The following MGST1 variants were observed in gnomAD, a reference collection of about 807,000 sequenced individuals.
MGST1 encodes the protein glutathione S-transferase 12.
A neutral mutation model predicts 8.9 loss-of-function variants in MGST1; 5 were observed. That is an observed-to-expected ratio of 0.56 (90% CI 0.29 to 1.19). MGST1 has a LOEUF of 1.19. Among genes scored for constraint, MGST1 ranks in the 50% most tolerant of loss-of-function variants. MGST1 has a pLI of 0.08. For synonymous variants in MGST1, 54 were observed against 67.8 expected (o/e 0.80, Z 1.00); for missense variants, 182 against 187.4 (o/e 0.97, Z 0.17).
chr12:16,566,449 T>C (rs749307503), intron 4 of MGST1, among the ~76,000 whole-genome samples: 2 of 152,112 alleles, frequency 1.3e-5, no homozygotes, highest in Non-Finnish European at 2.9e-5. Flanking sequence ...TATGAGGCGA[T>C]GGGTATTTGA....
Position 16,413,453 on chromosome 12 carries a change from C to T in MGST1, n.779-23935C>T, listed in dbSNP as rs2137076285. ...AACACTCAATTTTTAATGGTACAGG[C>T]ATTTTATGACCCCTGAGAACAGCAG... On this transcript the variant is annotated intron_variant and non_coding_transcript_variant, in intron 1 of 1. Transcript: ENST00000359720. The surrounding 1 kb of genome is among the most constrained non-coding windows in gnomAD (Gnocchi z 4.0). Among the ~76,000 whole-genome samples, 1 of 152,274 alleles carries T rather than the reference C, an allele frequency of 6.6e-6. No individual in the cohort carries two copies. The highest frequency in any genetic ancestry group is 3.4e-3 in the Middle Eastern group (1 of 294).
chr12:16,453,703 G>A (rs560781938), intron 4 of MGST1, among the ~76,000 whole-genome samples: 1 of 151,966 alleles, frequency 6.6e-6, no homozygotes, highest in Admixed American at 6.6e-5. Flanking sequence ...CTATCCCCTG[G>A]CTGCTAGTGG....
At chr12:16,455,066 A>C (rs186490079) in intron 4 of MGST1, among the ~76,000 whole-genome samples, 1 of 151,830 alleles carries the variant, frequency 6.6e-6, no homozygotes, top group Non-Finnish European at 1.5e-5. Context: ...ATAATTAACA[A>C]ATATGTGTAA....
intron 1 of MGST1, among the ~76,000 whole-genome samples, chr12:16,397,409 C>T (rs556448832): frequency 7.9e-5 from 12 of 152,010 alleles, no homozygotes; most frequent in South Asian, 4.2e-4. Flanking sequence ...AAATGCAACA[C>T]GCGAAGATAA....
chr12:16,392,129 T>A (rs1940558447), intron 1 of MGST1, among the ~76,000 whole-genome samples: 1 of 152,228 alleles, frequency 6.6e-6, no homozygotes, highest in African/African-American at 2.4e-5. Flanking sequence ...ATTACCATGC[T>A]GTTTTGATTA....
rs969512505 is a variant in MGST1 at position 16,587,453 on chromosome 12, A to T, written n.483-2075A>T. On this transcript the variant is annotated intron_variant and non_coding_transcript_variant, in intron 4 of 4. Transcript: ENST00000538857. This position sits in a 1 kb window ranked among gnomAD's most constrained non-coding sequence, Gnocchi z 4.3. ...TACAGACTAGAGAGCAAGGAATTCA[A>T]GTTCGATTTTTTTTTCTTTTACTTT... 1.3e-5 allele frequency among the ~76,000 whole-genome samples: 2 copies of T among 152,148 alleles called. No individual in the cohort carries two copies. The highest frequency in any genetic ancestry group is 4.8e-5 in the African/African-American group (2 of 41,440).
In MGST1 at chr12:16,361,812, A is replaced by G. The variant is rs115081805; in HGVS notation, c.222-1983A>G. Reference sequence around the variant, plus strand: ...CATTTTGAGGGCTGACGAAAGAGAAAGAGAACTCAAAAGGGAGAATAAGAT... The same window carrying G: ...CATTTTGAGGGCTGACGAAAGAGAAGGAGAACTCAAAAGGGAGAATAAGAT... On this transcript the variant is annotated intron_variant, in intron 3 of 3. Transcript: ENST00000396210. This position sits in a 1 kb window ranked among gnomAD's most constrained non-coding sequence, Gnocchi z 4.2. 6.9e-3 allele frequency among the ~76,000 whole-genome samples: 1,045 copies of G among 152,320 alleles called. 13 individuals are homozygous for G. The highest frequency in any genetic ancestry group is 0.024 in the African/African-American group (997 of 41,568).
chr12:16,420,053 A>G (rs2193137), intron 1 of MGST1, among the ~76,000 whole-genome samples: 82,724 of 152,078 alleles, frequency 0.54, 23,854 homozygotes, highest in East Asian at 0.87. Context: ...AGAAGAAAAC[A>G]TTTATGTTAA....
intron 4 of MGST1, among the ~76,000 whole-genome samples, chr12:16,475,312 T>C (rs1299381990): frequency 6.6e-6 from 1 of 152,274 alleles, no homozygotes; most frequent in East Asian, 1.9e-4. Flanking sequence ...AGTTCTCAGT[T>C]TGAAACCTCT....
chr12:16,534,741 T>C (rs1434516912), intron 4 of MGST1, among the ~76,000 whole-genome samples: 1 of 152,010 alleles, frequency 6.6e-6, no homozygotes, highest in Non-Finnish European at 1.5e-5. Flanking sequence ...GTAGAAGCAA[T>C]GGGAAATGAT....
intron 1 of MGST1, among the ~76,000 whole-genome samples, chr12:16,393,690 T>G (rs896150336): frequency 2.0e-5 from 3 of 152,228 alleles, no homozygotes; most frequent in African/African-American, 7.2e-5. Flanking sequence ...ATTCTAACAG[T>G]GCACTAAGCC....
At chr12:16,474,163 C>A (rs1211064716) in intron 4 of MGST1, among the ~76,000 whole-genome samples, 2 of 152,178 alleles carry the variant, frequency 1.3e-5, no homozygotes, top group African/African-American at 4.8e-5. Context: ...ATCCACTTAT[C>A]CTTCTCACTG....
At chr12:16,535,575 C>T (rs1941752442) in intron 4 of MGST1, among the ~76,000 whole-genome samples, 1 of 152,166 alleles carries the variant, frequency 6.6e-6, no homozygotes, top group South Asian at 2.1e-4. Flanking sequence ...CAGGAAAATA[C>T]TTATGGTCTA....
intron 4 of MGST1, among the ~76,000 whole-genome samples, chr12:16,498,377 CAG>C (rs1394408215): frequency 6.6e-6 from 1 of 152,120 alleles, no homozygotes; most frequent in Non-Finnish European, 1.5e-5. Flanking sequence ...GCAGCACAGA[CAG>C]AAGAACATTA....
rs141167575 is a variant in MGST1, at chr12:16,422,965, C to A, written n.779-14423C>A. On this transcript the variant is annotated intron_variant and non_coding_transcript_variant, in intron 1 of 1. Transcript: ENST00000359720. Reference sequence around the variant, plus strand: ...ACTCTGCAGGTCTCTGGAACTTCCTCTCTGTGTCACTCTCCAATCTCCAGT... The same window carrying A: ...ACTCTGCAGGTCTCTGGAACTTCCTATCTGTGTCACTCTCCAATCTCCAGT... 1.2e-4 allele frequency among the ~76,000 whole-genome samples: 19 copies of A among 152,198 alleles called. No homozygotes were observed. The East Asian group carries it at 3.1e-3, about 25-fold the overall frequency.
At chr12:16,592,951 G>A (rs1041033095), downstream of MGST1, among the ~76,000 whole-genome samples, 5 of 151,776 alleles carry the variant, frequency 3.3e-5, no homozygotes, top group African/African-American at 1.2e-4. Context: ...GAAACTAGGA[G>A]TAAAGTAATG....
chr12:16,589,180 A>ACT lies in MGST1; in HGVS notation n.483-346_483-345dup, dbSNP rs1211015640. On this transcript the variant is annotated intron_variant and non_coding_transcript_variant, in intron 4 of 4. Coordinates refer to the MGST1 transcript ENST00000538857. This position sits in a 1 kb window ranked among gnomAD's most constrained non-coding sequence, Gnocchi z 4.2. ...GGAAGATTTTAGGGAAGTGACAAGA[A>ACT]CTCATGTAACTTTTTATTTTTTAAT... 6.6e-6 allele frequency among the ~76,000 whole-genome samples: 1 copy of ACT among 152,062 alleles called. No homozygotes were observed. Among genetic ancestry groups the ACT allele is most frequent in the East Asian group, 1.9e-4 (1 of 5,184 alleles).
In MGST1 at chr12:16,519,856, T is replaced by C. The variant is rs183127120; in HGVS notation, n.483-69672T>C. Among the ~76,000 whole-genome samples, 4 of 152,270 alleles carry C rather than the reference T, an allele frequency of 2.6e-5. No homozygotes were observed. In the East Asian group the frequency reaches 7.7e-4, roughly 29 times the overall value. On this transcript the variant is annotated intron_variant and non_coding_transcript_variant, in intron 4 of 4. Coordinates refer to the MGST1 transcript ENST00000538857. ...TTTATGATCAAAACCATGCCATCAT[T>C]CTCTAAGCCAGATATCAGTTTGACC...
At chr12:16,415,064 A>G (rs1940776782) in intron 1 of MGST1, among the ~76,000 whole-genome samples, 2 of 152,142 alleles carry the variant, frequency 1.3e-5, no homozygotes, top group Non-Finnish European at 1.5e-5. Flanking sequence ...ATGCTTTAGC[A>G]TGTATTGTAG....
Sources: gnomAD v4.1 joint callset for allele counts (sites outside exome capture counted in the v4.1 genomes callset) on GRCh38, gnomAD v4.1.1 for gene constraint, Gnocchi (gnomAD v3.1) non-coding constraint, MANE v1.5 for transcripts, NCBI Gene and HGNC (gene_info 2026-07-23, HGNC 2026-07-21) for gene names.